CHCHD6: variants seen among roughly 807,000 people sequenced by gnomAD.
CHCHD6 encodes the protein MICOS complex subunit MIC25.
A neutral mutation model predicts 32.3 loss-of-function variants in CHCHD6; 28 were observed. That is an observed-to-expected ratio of 0.87 (90% CI 0.64 to 1.19). The LOEUF (loss-of-function observed/expected upper bound fraction) is 1.19, where lower values mean the gene tolerates loss of function less well. Among genes scored for constraint, CHCHD6 ranks in the 50% most tolerant of loss-of-function variants. The probability of loss-of-function intolerance (pLI) is 0.00; values close to 1 mark genes in which losing one functional copy is unlikely to be tolerated. For missense variants in CHCHD6, 333 were observed against 307.0 expected, an observed-to-expected ratio of 1.08 and a Z score of -0.63; for synonymous variants, 122 against 117.5, an observed-to-expected ratio of 1.04 and a Z score of -0.25.
intron 4 of CHCHD6, among the ~76,000 whole-genome samples, chr3:126,793,443 C>T (rs1432527120): frequency 1.3e-5 from 2 of 152,124 alleles, no homozygotes; most frequent in African/African-American, 4.8e-5. Context: ...CCACAGTCTA[C>T]TGTATCAACA....
At chr3:126,779,336 A>C (rs1256010375) in intron 4 of CHCHD6, among the ~76,000 whole-genome samples, 2 of 152,022 alleles carry the variant, frequency 1.3e-5, no homozygotes, top group Non-Finnish European at 2.9e-5. Context: ...CAGGAGTTTG[A>C]GACCAGCCTG....
At chr3:126,920,335 T>G (rs1271917597) in intron 6 of CHCHD6, among the ~76,000 whole-genome samples, 1 of 152,116 alleles carries the variant, frequency 6.6e-6, no homozygotes, top group East Asian at 1.9e-4. Context: ...TTGCCTTTTT[T>G]TTTCTTGGGT....
intron 5 of CHCHD6, among the ~76,000 whole-genome samples, chr3:126,863,464 A>T (rs1382561732): frequency 5.9e-5 from 5 of 85,180 alleles, no homozygotes; most frequent in Admixed American, 1.3e-4. Context: ...CACTGTCACC[A>T]CCTCCTCCAC....
intron 4 of CHCHD6, among the ~76,000 whole-genome samples, chr3:126,801,056 T>A (rs980195988): frequency 1.5e-4 from 23 of 152,152 alleles, no homozygotes; most frequent in Non-Finnish European, 1.3e-4. Context: ...TAAAAACCGA[T>A]ATAAATGTGA....
chr3:126,928,707 C>T (rs2078359444), intron 6 of CHCHD6, among the ~76,000 whole-genome samples: 1 of 152,220 alleles, frequency 6.6e-6, no homozygotes, highest in African/African-American at 2.4e-5. Flanking sequence ...TCCACTGAGC[C>T]ATACTTTCTG....
intron 5 of CHCHD6, among the ~76,000 whole-genome samples, chr3:126,873,068 C>G (rs564360006): frequency 6.6e-6 from 1 of 152,196 alleles, no homozygotes; most frequent in East Asian, 1.9e-4. Flanking sequence ...TCGTAAATAT[C>G]CACTGTCATG....
At position 126,715,460 on chromosome 3, in the gene CHCHD6, C is replaced by G. The variant is rs554053732; in HGVS notation, c.87+11061C>G. Among the ~76,000 whole-genome samples, 7 of 152,118 alleles carry G rather than the reference C, an allele frequency of 4.6e-5. No individual in the cohort carries two copies. The South Asian group carries it at 1.5e-3, about 32-fold the overall frequency. ...CAGTCTTGGGTTGCAGTCTTCTCTT[C>G]TAGCCATGAGCTTTGCTGCCTGCCT... On this transcript the variant is annotated intron_variant, in intron 1 of 7. Transcript: ENST00000290913.
intron 6 of CHCHD6, among the ~76,000 whole-genome samples, chr3:126,945,415 G>A (rs950975393): frequency 1.3e-4 from 20 of 151,820 alleles, no homozygotes; most frequent in African/African-American, 4.8e-4. Context: ...GAGCAGACTC[G>A]AGCAGGGAGA....
chr3:126,808,457 G>A (rs922387873), intron 4 of CHCHD6, among the ~76,000 whole-genome samples: 2 of 151,986 alleles, frequency 1.3e-5, no homozygotes, highest in East Asian at 2.0e-4. Flanking sequence ...AAGAAAACAT[G>A]TTATGGGAAG....
At chr3:126,958,242 G>A (rs1172173976) in intron 7 of CHCHD6, among the ~76,000 whole-genome samples, 1 of 151,710 alleles carries the variant, frequency 6.6e-6, no homozygotes, top group Non-Finnish European at 1.5e-5. Flanking sequence ...CAGTCAGGCT[G>A]TTCCCAGCCA....
At chr3:126,958,305 A>G (rs1408980913) in intron 7 of CHCHD6, among the ~76,000 whole-genome samples, 2 of 152,062 alleles carry the variant, frequency 1.3e-5, no homozygotes, top group African/African-American at 4.8e-5. Flanking sequence ...GGGGAGCATC[A>G]TTCACTCTCA....
intron 1 of CHCHD6, among the ~76,000 whole-genome samples, chr3:126,717,779 G>A (rs568440166): frequency 7.5e-5 from 11 of 145,790 alleles, no homozygotes; most frequent in Admixed American, 1.4e-4. Context: ...GTGTGTGTGT[G>A]TGTGTGTGGC....
intron 4 of CHCHD6, among the ~76,000 whole-genome samples, chr3:126,789,171 A>G (rs1321733168): frequency 6.6e-6 from 1 of 152,210 alleles, no homozygotes; most frequent in Non-Finnish European, 1.5e-5. Flanking sequence ...GTTTGATTGC[A>G]CTGTGGTCTG....
At chr3:126,739,177 C>T (rs368783414) in intron 4 of CHCHD6, among the ~76,000 whole-genome samples, 6 of 152,232 alleles carry the variant, frequency 3.9e-5, no homozygotes, top group African/African-American at 1.4e-4. Context: ...AAAATCATGA[C>T]ATCCATAGCC....
At chr3:126,755,253 C>G in intron 4 of CHCHD6, among the ~76,000 whole-genome samples, 1 of 152,180 alleles carries the variant, frequency 6.6e-6, no homozygotes, top group East Asian at 1.9e-4. Flanking sequence ...CAGGAGGGAT[C>G]AACAGCTGGG....
chr3:126,936,319 C>T (rs970613667), intron 6 of CHCHD6, among the ~76,000 whole-genome samples: 3 of 152,140 alleles, frequency 2.0e-5, no homozygotes, highest in South Asian at 4.2e-4. Context: ...TCATAGAATA[C>T]GAGGCCAGAG....
intron 5 of CHCHD6, among the ~76,000 whole-genome samples, chr3:126,867,837 A>T (rs1942339228): frequency 6.6e-6 from 1 of 152,070 alleles, no homozygotes; most frequent in African/African-American, 2.4e-5. Flanking sequence ...CTAATCTCTC[A>T]CTTGAACTGA....
chr3:126,719,858 C>CT (rs1304132603), intron 1 of CHCHD6, among the ~76,000 whole-genome samples: 2 of 152,046 alleles, frequency 1.3e-5, no homozygotes, highest in Non-Finnish European at 2.9e-5. Context: ...TGCTCCTTGC[C>CT]TGGGCTGCAC....
intron 5 of CHCHD6, among the ~76,000 whole-genome samples, chr3:126,859,157 G>T (rs1014307514): frequency 6.6e-6 from 1 of 152,224 alleles, no homozygotes; most frequent in Admixed American, 6.5e-5. Context: ...GAACGTGTGT[G>T]TATGCAATCA....
Sources: allele counts gnomAD v4.1 joint callset (sites outside exome capture counted in the v4.1 genomes callset), GRCh38; gene constraint gnomAD v4.1.1; transcripts MANE v1.5; gene names NCBI Gene and HGNC (gene_info 2026-07-23, HGNC 2026-07-21).